RPH3A: variants seen among roughly 807,000 people sequenced by gnomAD.
RPH3A encodes rabphilin-3A.
Under a neutral mutation model 102.2 loss-of-function variants are expected in RPH3A, and 48 were observed. The observed-to-expected ratio is 0.47, with a 90% CI of 0.37 to 0.60. The LOEUF (loss-of-function observed/expected upper bound fraction) is 0.60, where lower values mean the gene tolerates loss of function less well. Among genes scored for constraint, RPH3A ranks in the 20% least tolerant of loss-of-function variants. The probability of loss-of-function intolerance (pLI) is 0.00; values close to 1 mark genes in which losing one functional copy is unlikely to be tolerated. For missense variants in RPH3A, 781 were observed against 910.1 expected (o/e 0.86, Z 1.83); for synonymous variants, 310 against 324.3 (o/e 0.96, Z 0.47).
chr12:112,658,709 T>G (rs1230756727), intron 1 of RPH3A, among the ~76,000 whole-genome samples: 1 of 152,238 alleles, frequency 6.6e-6, no homozygotes. Context: ...ATGGCTTGTT[T>G]GTCTGTAAAA....
At chr12:112,774,063 C>CAAAAAAAAAAAAAAAAAAAAAAAAAAAA (rs11375355) in intron 1 of RPH3A, among the ~76,000 whole-genome samples, 48 of 108,342 alleles carry the variant, frequency 4.4e-4, no homozygotes, top group African/African-American at 7.9e-4. Context: ...CCAGCCTGGG[C>CAAAAAAAAAAAAAAAAAAAAAAAAAAAA]AAAAAAAAAA....
chr12:112,767,314 T>C (rs370973388), intron 1 of RPH3A, among the ~76,000 whole-genome samples: 135 of 152,320 alleles, frequency 8.9e-4, no homozygotes, highest in African/African-American at 3.1e-3. Flanking sequence ...CATCCTCTCC[T>C]ACCCCTTATT....
At chr12:112,606,139 T>C (rs535517310) in intron 1 of RPH3A, among the ~76,000 whole-genome samples, 118 of 152,300 alleles carry the variant, frequency 7.7e-4, no homozygotes, top group Middle Eastern at 3.4e-3. Context: ...CTCTATGTAC[T>C]GTGCTACATG....
intron 1 of RPH3A, among the ~76,000 whole-genome samples, chr12:112,756,234 A>G (rs1050017905): frequency 6.6e-6 from 1 of 151,100 alleles, no homozygotes; most frequent in African/African-American, 2.4e-5. Context: ...TTTTTTTGAG[A>G]TGGAGTTTCA....
At chr12:112,732,768 C>A (rs1565864288) in intron 1 of RPH3A, among the ~76,000 whole-genome samples, 1 of 152,094 alleles carries the variant, frequency 6.6e-6, no homozygotes, top group Non-Finnish European at 1.5e-5. Context: ...GTATGGGCCA[C>A]CCTGGGAGGT....
chr12:112,888,767 G>A lies in RPH3A; in HGVS notation c.1563+844G>A, dbSNP rs116941606. ...ATGGGGTTGCACCTCAGAATTAACC[G>A]GGGGATTCTAAAACCAGAGCTTTAC... On this transcript the variant is annotated intron_variant, in intron 17 of 21. Coordinates refer to ENST00000389385, the MANE Select transcript of RPH3A (RefSeq NM_001143854.2). 5.8e-3 allele frequency among the ~76,000 whole-genome samples: 881 copies of A among 152,344 alleles called. 5 individuals carry two copies. Among genetic ancestry groups the A allele is most frequent in the Non-Finnish European group, 8.1e-3 (554 of 68,030 alleles).
chr12:112,677,948 T>C (rs1237731768), intron 1 of RPH3A, among the ~76,000 whole-genome samples: 2 of 151,680 alleles, frequency 1.3e-5, no homozygotes, highest in Non-Finnish European at 2.9e-5. Context: ...CCCAGCACTT[T>C]GGGAGGCCAA....
intron 2 of RPH3A, among the ~76,000 whole-genome samples, chr12:112,797,710 G>T (rs1394605819): frequency 2.1e-4 from 31 of 144,936 alleles, no homozygotes; most frequent in South Asian, 2.2e-4. Flanking sequence ...TTTTTTTTTT[G>T]ATAGGATCTT....
intron 1 of RPH3A, among the ~76,000 whole-genome samples, chr12:112,701,959 C>G (rs924623605): frequency 2.0e-5 from 3 of 152,188 alleles, no homozygotes; most frequent in African/African-American, 7.2e-5. Context: ...CTTTCCTTCC[C>G]CATCACCTCC....
rs1320745860 is a variant in RPH3A, at chr12:112,580,589, G to A, written c.-140+5270G>A. Among the ~76,000 whole-genome samples the A allele has an allele frequency of 3.3e-5, 5 of 151,698 alleles. No individual in the cohort carries two copies. In the East Asian group the frequency reaches 9.7e-4, roughly 29 times the overall value. ...CGGCTAATTTTTTTTTGTATTTTTAGTAGAGATGGGGTTTCACCGTGTAAG... is the reference window on the plus strand; with the variant it reads ...CGGCTAATTTTTTTTTGTATTTTTAATAGAGATGGGGTTTCACCGTGTAAG... On this transcript the variant is annotated intron_variant, in intron 1 of 21. Coordinates refer to the RPH3A transcript ENST00000543106.
chr12:112,770,715 G>A (rs980689703), intron 1 of RPH3A, among the ~76,000 whole-genome samples: 3 of 152,018 alleles, frequency 2.0e-5, no homozygotes, highest in Non-Finnish European at 4.4e-5. Context: ...CTATAACTGG[G>A]GTCCCATGTG....
chr12:112,761,023 T>G (rs11066401), intron 1 of RPH3A, among the ~76,000 whole-genome samples: 12,662 of 152,046 alleles, frequency 0.083, 1,395 homozygotes, highest in African/African-American at 0.25. Context: ...GTCCACTGGG[T>G]CATACAAATA....
chr12:112,644,708 T>C (rs1370844355), intron 1 of RPH3A, among the ~76,000 whole-genome samples: 2 of 152,208 alleles, frequency 1.3e-5, no homozygotes, highest in Non-Finnish European at 2.9e-5. Flanking sequence ...TAACCATCTT[T>C]AACAGCTTTG....
chr12:112,807,688 C>G (rs1217308523), intron 2 of RPH3A, among the ~76,000 whole-genome samples: 2 of 151,912 alleles, frequency 1.3e-5, no homozygotes, highest in Non-Finnish European at 2.9e-5. Flanking sequence ...ATTAGTCACT[C>G]TTATTTTGAT....
chr12:112,796,503 C>A (rs927229885), intron 2 of RPH3A, among the ~76,000 whole-genome samples: 2 of 152,184 alleles, frequency 1.3e-5, no homozygotes, highest in African/African-American at 4.8e-5. Flanking sequence ...GATTTACTAG[C>A]GAACATGTCA....
chr12:112,614,412 G>C (rs1252297182), intron 1 of RPH3A, among the ~76,000 whole-genome samples: 1 of 151,728 alleles, frequency 6.6e-6, no homozygotes, highest in East Asian at 1.9e-4. Flanking sequence ...GGCTGGGCAT[G>C]GTGGCTCACT....
At chr12:112,639,580 A>C (rs1296059014) in intron 1 of RPH3A, among the ~76,000 whole-genome samples, 2 of 152,182 alleles carry the variant, frequency 1.3e-5, no homozygotes, top group Non-Finnish European at 2.9e-5. Flanking sequence ...TGATCTGTGC[A>C]GCAAACCACC....
intron 4 of RPH3A, among the ~76,000 whole-genome samples, chr12:112,841,690 TTTTTTTTG>T (rs2042147639): frequency 7.5e-6 from 1 of 132,668 alleles, no homozygotes; most frequent in Non-Finnish European, 1.5e-5. Flanking sequence ...AAAGCTTGAG[TTTTTTTTG>T]TTTTTTTGGT....
At chr12:112,671,526 T>G (rs1257354868) in intron 1 of RPH3A, among the ~76,000 whole-genome samples, 1 of 152,210 alleles carries the variant, frequency 6.6e-6, no homozygotes, top group East Asian at 1.9e-4. Flanking sequence ...CAGTCAGAAA[T>G]TCTCATGGCT....
Sources: allele counts gnomAD v4.1 joint callset (sites outside exome capture counted in the v4.1 genomes callset), GRCh38; gene constraint gnomAD v4.1.1; transcripts MANE v1.5; gene names NCBI Gene and HGNC (gene_info 2026-07-23, HGNC 2026-07-21).